Variants in PTPRM observed in about 807,000 individuals in gnomAD.
PTPRM encodes protein tyrosine phosphatase receptor type M.
PTPRM carries 47 observed loss-of-function variants against 186.7 expected under a neutral mutation model. The observed-to-expected ratio is 0.25, with a 90% CI of 0.20 to 0.32. PTPRM has a LOEUF of 0.32. Ranked by LOEUF, PTPRM falls within the 10% of genes least tolerant of loss-of-function variation. PTPRM has a pLI of 1.00. For synonymous variants in PTPRM, 668 were observed against 674.9 expected (o/e 0.99, Z 0.16); for missense variants, 1,494 against 1,865.0 (o/e 0.80, Z 3.66).
chr18:8,063,437 C>T (rs1191591219), intron 7 of PTPRM, among the ~76,000 whole-genome samples: 1 of 152,172 alleles, frequency 6.6e-6, no homozygotes, highest in African/African-American at 2.4e-5. Context: ...GAGCTGTAGA[C>T]CGGAGCTGTT....
chr18:7,941,833 C>T (rs1418013313), intron 5 of PTPRM, among the ~76,000 whole-genome samples: 1 of 152,220 alleles, frequency 6.6e-6, no homozygotes, highest in Admixed American at 6.5e-5. Flanking sequence ...TGGTGCTTTG[C>T]CAGTGACTCT....
rs1568364631 is a variant in PTPRM, at chr18:8,114,773, T to A, written c.2131-18T>A. Reference sequence around the variant, plus strand: ...GAAAACATGAATAATGATTTTTCCCTCTCTTTATTTGACACAGGAAACCAA... The same window carrying A: ...GAAAACATGAATAATGATTTTTCCCACTCTTTATTTGACACAGGAAACCAA... On this transcript the variant is annotated intron_variant, in intron 12 of 32. Coordinates refer to ENST00000580170, the MANE Select transcript of PTPRM (RefSeq NM_001105244.2). The A allele has an allele frequency of 1.9e-6, 3 of 1,594,138 alleles. No homozygotes were observed. In the Admixed American group the frequency reaches 5.2e-5, roughly 28 times the overall value.
intron 2 of PTPRM, among the ~76,000 whole-genome samples, chr18:7,819,358 C>CA (rs2045040792): frequency 2.0e-5 from 3 of 152,362 alleles, no homozygotes; most frequent in East Asian, 3.9e-4. Flanking sequence ...AACACATTGG[C>CA]GGAAGAAGAT....
intron 7 of PTPRM, among the ~76,000 whole-genome samples, chr18:7,976,439 G>A (rs1392705715): frequency 2.0e-5 from 3 of 152,194 alleles, no homozygotes; most frequent in Non-Finnish European, 4.4e-5. Flanking sequence ...AGTGAATCCT[G>A]ATATCAATTC....
chr18:7,982,517 T>A (rs1301088673), intron 7 of PTPRM, among the ~76,000 whole-genome samples: 1 of 147,814 alleles, frequency 6.8e-6, no homozygotes, highest in South Asian at 2.1e-4. Context: ...GCTTCACAGT[T>A]AACTTTTTTT....
rs541114245 is a variant in PTPRM at position 7,570,928 on chromosome 18, T to C, written c.73+3037T>C. ...GCTTACTTATAATGATGGATTTCAT[T>C]ACAAAATTGTGGGTTTTTTTTTTTT... On this transcript the variant is annotated intron_variant, in intron 1 of 32. Transcript: ENST00000580170. Among the ~76,000 whole-genome samples, 4 of 127,788 alleles carry C rather than the reference T, an allele frequency of 3.1e-5. No homozygotes were observed. The South Asian group carries it at 1.1e-3, about 36-fold the overall frequency. The allele number at this position is 127,788 out of a possible 152,430, so 83.8% of individuals were successfully genotyped here.
intron 31 of PTPRM, among the ~76,000 whole-genome samples, chr18:8,389,754 T>C (rs1280604181): frequency 6.6e-6 from 1 of 152,202 alleles, no homozygotes; most frequent in Non-Finnish European, 1.5e-5. Context: ...CCCCCAGTAC[T>C]GGCCAGGAAA....
intron 2 of PTPRM, among the ~76,000 whole-genome samples, chr18:7,881,899 G>T (rs553051869): frequency 6.6e-6 from 1 of 152,056 alleles, no homozygotes; most frequent in African/African-American, 2.4e-5. Flanking sequence ...CTTCTGCAAC[G>T]TTCTTTCGTA....
intron 19 of PTPRM, among the ~76,000 whole-genome samples, chr18:8,288,729 G>A (rs1355939718): frequency 3.3e-5 from 5 of 152,160 alleles, no homozygotes; most frequent in Admixed American, 6.5e-5. Flanking sequence ...TTCTGCTCCA[G>A]TGCTCTTGAG....
intron 5 of PTPRM, among the ~76,000 whole-genome samples, chr18:7,948,130 TAC>T (rs57918724): frequency 0.15 from 20,057 of 137,642 alleles, 1,592 homozygotes; most frequent in East Asian, 0.43. Flanking sequence ...GATTATAAAA[TAC>T]ACACACACAC....
chr18:8,252,202 A>G (rs892774117), intron 17 of PTPRM, among the ~76,000 whole-genome samples: 1 of 152,236 alleles, frequency 6.6e-6, no homozygotes, highest in Non-Finnish European at 1.5e-5. Flanking sequence ...TGTGTTGAAT[A>G]CAAATAAGAC....
chr18:7,714,969 A>G (rs1053970291), intron 1 of PTPRM, among the ~76,000 whole-genome samples: 1 of 152,184 alleles, frequency 6.6e-6, no homozygotes, highest in African/African-American at 2.4e-5. Context: ...ACTATTCCAA[A>G]CAATAGAAAA....
intron 7 of PTPRM, among the ~76,000 whole-genome samples, chr18:8,007,622 T>C (rs1201132075): frequency 6.6e-6 from 1 of 152,108 alleles, no homozygotes; most frequent in Non-Finnish European, 1.5e-5. Flanking sequence ...TTCATCCCGA[T>C]CTAACAAGCA....
intron 14 of PTPRM, among the ~76,000 whole-genome samples, chr18:8,229,814 T>C (rs887678503): frequency 1.3e-5 from 2 of 152,224 alleles, no homozygotes; most frequent in Non-Finnish European, 2.9e-5. Context: ...CAACATGAAG[T>C]ACACATGGTT....
intron 27 of PTPRM, 49 bp from the exon 28 acceptor site, chr18:8,379,118 T>G: frequency 1.3e-6 from 2 of 1,487,820 alleles, no homozygotes; most frequent in Non-Finnish European, 9.0e-7. Flanking sequence ...GTGAGAGGAG[T>G]CCGCTGCCAA....
intron 2 of PTPRM, among the ~76,000 whole-genome samples, chr18:7,809,344 C>T (rs1387351585): frequency 6.6e-6 from 1 of 152,136 alleles, no homozygotes; most frequent in Non-Finnish European, 1.5e-5. Context: ...GTTCAGGAAG[C>T]GAGATTTAAA....
intron 1 of PTPRM, among the ~76,000 whole-genome samples, chr18:7,687,282 A>G (rs2039624656): frequency 1.3e-5 from 2 of 152,196 alleles, no homozygotes; most frequent in African/African-American, 4.8e-5. Context: ...GTTGTGAATG[A>G]GATAAAATTT....
At chr18:8,378,516 G>C in intron 27 of PTPRM, 102 bp downstream of exon 27, 5 of 1,414,454 alleles carry the variant, frequency 3.5e-6, no homozygotes, top group Non-Finnish European at 4.9e-6. Context: ...AGGTTCCTTG[G>C]CCTCCATAGC....
chr18:7,811,848 G>T (rs981889951), intron 2 of PTPRM, among the ~76,000 whole-genome samples: 2 of 152,096 alleles, frequency 1.3e-5, no homozygotes, highest in African/African-American at 4.8e-5. Flanking sequence ...CACTTGAAAG[G>T]GTTAATATAA....
Sources: gnomAD v4.1 joint callset for allele counts (sites outside exome capture counted in the v4.1 genomes callset) on GRCh38, gnomAD v4.1.1 for gene constraint, MANE v1.5 for transcripts, NCBI Gene and HGNC (gene_info 2026-07-23, HGNC 2026-07-21) for gene names.